Variants in VWA8 observed in about 807,000 individuals in gnomAD.
VWA8 encodes the protein von Willebrand factor A domain-containing protein 8.
Under a neutral mutation model 241.5 loss-of-function variants are expected in VWA8, and 221 were observed. The ratio of observed to expected loss-of-function variants is 0.91; its 90% confidence interval spans 0.82 to 1.02. The LOEUF (loss-of-function observed/expected upper bound fraction) is 1.02, where lower values mean the gene tolerates loss of function less well. VWA8 is among the 50% of genes least tolerant of loss of function. The pLI, the probability that VWA8 is intolerant of heterozygous loss-of-function variation, is 0.00. For missense variants in VWA8, 2,322 were observed against 2,328.7 expected (o/e 1.00, Z 0.06); for synonymous variants, 852 against 827.1 (o/e 1.03, Z -0.52).
intron 17 of VWA8, among the ~76,000 whole-genome samples, chr13:41,791,643 A>G (rs1369932618): frequency 6.6e-6 from 1 of 151,920 alleles, no homozygotes; most frequent in Non-Finnish European, 1.5e-5. Flanking sequence ...TACAAATCAC[A>G]TCATATACTG....
intron 9 of VWA8, among the ~76,000 whole-genome samples, chr13:41,881,482 C>T (rs1281040660): frequency 3.7e-5 from 4 of 106,740 alleles, no homozygotes; most frequent in Admixed American, 1.0e-4. Flanking sequence ...ACAGACACGG[C>T]AACCATCCGA....
intron 2 of VWA8, chr13:41,926,180 G>A (rs769595236): frequency 7.9e-6 from 5 of 635,598 alleles, no homozygotes; most frequent in African/African-American, 7.3e-5. Context: ...AGGGTGAGCT[G>A]AGCATCATTC....
chr13:41,573,794 G>A (rs193148236), intron 43 of VWA8, among the ~76,000 whole-genome samples: 1 of 150,974 alleles, frequency 6.6e-6, no homozygotes, highest in African/African-American at 2.4e-5. Context: ...ATTTTTTTTT[G>A]TATTTTTGGT....
At chr13:41,688,602 C>A (rs928973979) in intron 34 of VWA8, among the ~76,000 whole-genome samples, 30 of 152,062 alleles carry the variant, frequency 2.0e-4, no homozygotes, top group Non-Finnish European at 1.5e-5. Context: ...TATACTATAA[C>A]CTGGATGCTG....
chr13:41,926,418 G>C, intron 2 of VWA8: 1 of 530,944 alleles, frequency 1.9e-6, no homozygotes, highest in South Asian at 1.5e-5. Context: ...CATCATCCCG[G>C]GGGAGCTGTG....
Position 41,625,795 on chromosome 13 carries a change from C to T in VWA8, c.4612-10711G>A, listed in dbSNP as rs919668873. Among the ~76,000 whole-genome samples the T allele has an allele frequency of 6.6e-5, 10 of 151,700 alleles. No individual in the cohort carries two copies. In the East Asian group the frequency reaches 7.8e-4, roughly 12 times the overall value. ...GACACATGAACACGTATGTTTATTGCGGCACTATTCACAATAGCAAAGATT... is the reference window on the plus strand; with the variant it reads ...GACACATGAACACGTATGTTTATTGTGGCACTATTCACAATAGCAAAGATT... On this transcript the variant is annotated intron_variant, in intron 37 of 44. Transcript: ENST00000379310.
intron 12 of VWA8, among the ~76,000 whole-genome samples, chr13:41,843,468 C>A (rs544449872): frequency 1.1e-4 from 17 of 152,216 alleles, no homozygotes; most frequent in Non-Finnish European, 1.8e-4. Context: ...AACTCCAAAG[C>A]TAGCAGAAGA....
chr13:41,706,541 C>T (rs1221651365), intron 26 of VWA8, among the ~76,000 whole-genome samples: 1 of 152,160 alleles, frequency 6.6e-6, no homozygotes, highest in Non-Finnish European at 1.5e-5. Context: ...TTTTCCACTA[C>T]TAAGACCTCT....
chr13:41,571,811 C>T (rs188137580), intron 43 of VWA8, among the ~76,000 whole-genome samples: 2,172 of 152,022 alleles, frequency 0.014, 50 homozygotes, highest in African/African-American at 0.049. Context: ...GGCCGCCCAT[C>T]GTCTGGGATG....
chr13:41,599,428 T>C (rs2044508132), intron 40 of VWA8, among the ~76,000 whole-genome samples: 1 of 152,192 alleles, frequency 6.6e-6, no homozygotes, highest in Non-Finnish European at 1.5e-5. Flanking sequence ...TCTAAAAATT[T>C]TGTTTTCTGA....
intron 17 of VWA8, among the ~76,000 whole-genome samples, chr13:41,807,322 T>C (rs1234601751): frequency 1.3e-5 from 2 of 152,070 alleles, no homozygotes; most frequent in Non-Finnish European, 2.9e-5. Flanking sequence ...GGAGGGAATA[T>C]TTCCAAACTT....
At chr13:41,644,965 G>T (rs1396550797) in intron 37 of VWA8, among the ~76,000 whole-genome samples, 1 of 152,144 alleles carries the variant, frequency 6.6e-6, no homozygotes, top group South Asian at 2.1e-4. Context: ...TGTTGACTAT[G>T]TTAAGTGAGG....
At chr13:41,758,340 A>T (rs964781428) in intron 21 of VWA8, among the ~76,000 whole-genome samples, 21 of 139,264 alleles carry the variant, frequency 1.5e-4, no homozygotes, top group African/African-American at 4.0e-4. Flanking sequence ...TAGTATTTTT[A>T]AATTTTTTCC....
intron 21 of VWA8, among the ~76,000 whole-genome samples, chr13:41,758,406 A>ACGCTAG (rs1566444735): frequency 3.5e-5 from 3 of 84,942 alleles, no homozygotes; most frequent in Admixed American, 1.2e-4. Flanking sequence ...TAGTATATAT[A>ACGCTAG]TATATATATA....
At chr13:41,743,116 A>C (rs1286334932) in intron 21 of VWA8, among the ~76,000 whole-genome samples, 3 of 152,184 alleles carry the variant, frequency 2.0e-5, no homozygotes, top group Non-Finnish European at 4.4e-5. Flanking sequence ...CATATGGCTT[A>C]AGCATACGTG....
At chr13:41,568,629 C>T (rs904017659) in intron 44 of VWA8, among the ~76,000 whole-genome samples, 4 of 152,158 alleles carry the variant, frequency 2.6e-5, no homozygotes, top group African/African-American at 9.7e-5. Context: ...ATAACAGAGC[C>T]ATAGGGATTC....
chr13:41,736,716 A>G (rs1023314224), intron 21 of VWA8, among the ~76,000 whole-genome samples: 2 of 152,158 alleles, frequency 1.3e-5, no homozygotes, highest in Non-Finnish European at 2.9e-5. Context: ...CTGTCTTTAT[A>G]GTTCATTAAA....
In VWA8 at chr13:41,662,536, TTGTC is replaced by T. The variant is rs546187185; in HGVS notation, c.4611+8406_4611+8409del. Among the ~76,000 whole-genome samples the T allele has an allele frequency of 8.4e-4, 128 of 151,492 alleles. 2 individuals carry two copies. The highest frequency in any genetic ancestry group is 2.9e-3 in the African/African-American group (121 of 41,470). On this transcript the variant is annotated intron_variant, in intron 37 of 44. Coordinates refer to ENST00000379310, the MANE Select transcript of VWA8 (RefSeq NM_015058.2). ...GAGTAGTTTCTTTTGCTTGTTTGTT[TTGTC>T]TTTTTTTTTTTTAATAGATTCTGTG...
chr13:41,848,226 T>A (rs576650183), intron 12 of VWA8, among the ~76,000 whole-genome samples: 8 of 152,260 alleles, frequency 5.3e-5, no homozygotes, highest in Middle Eastern at 3.4e-3. Flanking sequence ...TGGAAGACAC[T>A]GTGCAGCAGG....
Sources: allele counts gnomAD v4.1 joint callset (sites outside exome capture counted in the v4.1 genomes callset), GRCh38; gene constraint gnomAD v4.1.1; transcripts MANE v1.5; gene names NCBI Gene and HGNC (gene_info 2026-07-23, HGNC 2026-07-21).